ZNF45: variants seen among roughly 807,000 people sequenced by gnomAD.
ZNF45 encodes BRC1744.
ZNF45 carries 4 observed loss-of-function variants against 12.0 expected under a neutral mutation model. The observed-to-expected ratio is 0.33, with a 90% confidence interval of 0.16 to 0.76. The LOEUF (loss-of-function observed/expected upper bound fraction) is 0.76. Among genes scored for constraint, ZNF45 ranks in the 30% least tolerant of loss-of-function variants. The pLI is 0.60. For missense variants in ZNF45, 700 were observed against 813.0 expected (o/e 0.86, Z 1.69); for synonymous variants, 272 against 279.6 (o/e 0.97, Z 0.27).
rs1158119227 is a variant in ZNF45 at position 43,913,500 on chromosome 19, C to G, written c.1936G>C (p.Gly646Arg). 6.2e-7 allele frequency: 1 copy of G among 1,613,974 alleles called. No homozygotes were observed. The highest frequency in any genetic ancestry group is 8.5e-7 in the Non-Finnish European group (1 of 1,179,866). Reference protein sequence around the residue: ...GEKPYKCEECGKGFSWSSSLI... With the variant: ...GEKPYKCEECRKGFSWSSSLI... ...CTTGAGCTCCAACTGAAGCCCTTCC[C>G]ACACTCCTCACATTTGTATGGTTTT... The change falls in exon 10 of 10, where the codon GGG becomes CGG. Residue 646 changes from glycine to arginine, a missense_variant. Coordinates refer to ENST00000269973, the MANE Select transcript of ZNF45 (RefSeq NM_003425.4).
In ZNF45 at chr19:43,922,627, C is replaced by G. The variant is rs145104257; in HGVS notation, c.-32-410G>C. 3.8e-4 allele frequency among the ~76,000 whole-genome samples: 58 copies of G among 152,168 alleles called. 1 individual carries two copies. The East Asian group carries it at 0.011, about 29-fold the overall frequency. Reference sequence around the variant, plus strand: ...AATCCAGGACAAATTATTAATATCTCTGTGCCTCAGTTCTTTCATCCATAA... The same window carrying G: ...AATCCAGGACAAATTATTAATATCTGTGTGCCTCAGTTCTTTCATCCATAA... On this transcript the variant is annotated intron_variant, in intron 6 of 9. Transcript: ENST00000269973.
intron 3 of ZNF45, among the ~76,000 whole-genome samples, chr19:43,931,567 C>T (rs10419785): frequency 0.11 from 15,819 of 147,546 alleles, 1,705 homozygotes; most frequent in East Asian, 0.25. Flanking sequence ...ATATATATAC[C>T]TTTGCTCCTT....
intron 9 of ZNF45, 30 bp downstream of exon 9, chr19:43,918,840 A>G (rs895173184): frequency 2.0e-5 from 32 of 1,592,674 alleles, no homozygotes; most frequent in African/African-American, 4.0e-5. Flanking sequence ...GCTAACAGAA[A>G]AATGTCCAGC....
chr19:43,913,312 A>G lies in ZNF45; in HGVS notation c.*75T>C. The G allele has an allele frequency of 6.7e-7, 1 of 1,497,546 alleles. No homozygotes were observed. 92.8% of individuals were successfully genotyped at this position (1,497,546 alleles called of 1,614,324 possible). ...CACTTGGCTGAACTACTGACTCTAT[A>G]AAACAAATGTTTTGTCTATGATAGC... On this transcript the variant is annotated 3_prime_UTR_variant, in exon 10 of 10. Coordinates refer to ENST00000269973, the MANE Select transcript of ZNF45 (RefSeq NM_003425.4).
intron 9 of ZNF45, among the ~76,000 whole-genome samples, chr19:43,916,863 C>G (rs1972724530): frequency 6.6e-6 from 1 of 151,222 alleles, no homozygotes; most frequent in African/African-American, 2.4e-5. Flanking sequence ...ATGCTGATCA[C>G]AAAATCATGG....
In ZNF45 at chr19:43,929,511, G is replaced by A. The variant is rs73567633; in HGVS notation, c.-400+3093C>T. Among the ~76,000 whole-genome samples, 535 of 152,210 alleles carry A rather than the reference G, an allele frequency of 3.5e-3. 3 individuals carry two copies. Among genetic ancestry groups the A allele is most frequent in the African/African-American group, 0.012 (495 of 41,530 alleles). On this transcript the variant is annotated intron_variant, in intron 3 of 9. Coordinates refer to ENST00000269973, the MANE Select transcript of ZNF45 (RefSeq NM_003425.4). ...ACATATTACAAAAGCATAGGCCCCA[G>A]TTCCTTTCTCTGTCTGCTTCCTGAC...
rs1186009480 is a variant in ZNF45, at chr19:43,914,608, A to G, written c.828T>C (p.Tyr276=). The G allele has an allele frequency of 1.3e-5, 21 of 1,613,532 alleles. No homozygotes were observed. The East Asian group carries it at 4.7e-4, about 36-fold the overall frequency. Residue 276 remains tyrosine (Y), a synonymous_variant, in exon 10 of 10, where the codon TAT becomes TAC. Coordinates refer to ENST00000269973, the MANE Select transcript of ZNF45 (RefSeq NM_003425.4). The part of the protein sequence containing the change: ...PLIVHTGEKP[Y]KCEECGVGFS... ...AGCCCACCCCACACTCCTCACATTT[A>G]TAGGGTTTCTCTCCCGTATGAACTA...
chr19:43,929,900 T>G (rs1160848520), intron 3 of ZNF45: 5 of 152,244 alleles, frequency 3.3e-5, no homozygotes, highest in African/African-American at 4.8e-5. Flanking sequence ...AATATGTGAC[T>G]AATAAACTGC....
At chr19:43,918,756 CA>C (rs1211955304) in intron 9 of ZNF45, 113 bp downstream of exon 9, 18 of 763,254 alleles carry the variant, frequency 2.4e-5, no homozygotes, top group African/African-American at 8.7e-5. Context: ...AGATATTCAT[CA>C]GGGGGAAAAA....
chr19:43,922,358 T>C (rs934744726), intron 6 of ZNF45, 141 bp from the exon 7 acceptor site: 7 of 581,504 alleles, frequency 1.2e-5, no homozygotes, highest in African/African-American at 9.3e-5. Flanking sequence ...TCGGGCTGGC[T>C]TGATGAACAG....
At position 43,915,028 on chromosome 19, in the gene ZNF45, A is replaced by G. The variant is rs766017564; in HGVS notation, c.408T>C (p.Asp136=). 6.2e-7 allele frequency: 1 copy of G among 1,610,016 alleles called. No homozygotes were observed. The highest frequency in any genetic ancestry group is 1.3e-5 in the African/African-American group (1 of 74,678). ...ATCCCTCATCTTTATAGTGCAAATC[A>G]TCTCGTTTTTCCAACTGGCAGCCTG... The part of the protein sequence containing the change: ...QRTGCQLEKR[D]DLHYKDEGFS... The change falls in exon 10 of 10, where the codon GAT becomes GAC. Residue 136 remains aspartate (D), a synonymous_variant. Coordinates refer to ENST00000269973, the MANE Select transcript of ZNF45 (RefSeq NM_003425.4).
chr19:43,923,973 A>T (rs1201657423), intron 6 of ZNF45, among the ~76,000 whole-genome samples: 1 of 150,228 alleles, frequency 6.7e-6, no homozygotes, highest in African/African-American at 2.5e-5. Flanking sequence ...AAAAAAAAAA[A>T]ATCTAAAAAA....
intron 9 of ZNF45, among the ~76,000 whole-genome samples, chr19:43,917,379 T>TA (rs1972771898): frequency 6.6e-6 from 1 of 152,230 alleles, no homozygotes; most frequent in Non-Finnish European, 1.5e-5. Flanking sequence ...AATAGAAAGT[T>TA]ACATTGTAAT....
intron 9 of ZNF45, among the ~76,000 whole-genome samples, chr19:43,916,905 A>T (rs1972730010): frequency 6.6e-6 from 1 of 152,182 alleles, no homozygotes; most frequent in Non-Finnish European, 1.5e-5. Context: ...AAAAATCATA[A>T]GGCAGAAAAG....
chr19:43,916,033 G>A (rs1484998174), intron 9 of ZNF45, among the ~76,000 whole-genome samples: 1 of 152,136 alleles, frequency 6.6e-6, no homozygotes, highest in Non-Finnish European at 1.5e-5. Context: ...CGGTCAGGCT[G>A]GTCTCAATCT....
At chr19:43,928,181 C>CAAAAAA (rs71338710) in intron 3 of ZNF45, among the ~76,000 whole-genome samples, 15 of 93,824 alleles carry the variant, frequency 1.6e-4, no homozygotes, top group Non-Finnish European at 2.0e-4. Flanking sequence ...AACTCTGTCT[C>CAAAAAA]AAAAAAAAAA....
intron 6 of ZNF45, among the ~76,000 whole-genome samples, chr19:43,922,820 G>GTT (rs368057244): frequency 0.17 from 14,334 of 86,594 alleles, 2,236 homozygotes; most frequent in East Asian, 0.48. Flanking sequence ...TAAATTCTTT[G>GTT]TTTTTTTTTT....
intron 7 of ZNF45, among the ~76,000 whole-genome samples, chr19:43,921,354 G>C (rs142770623): frequency 1.3e-5 from 2 of 152,248 alleles, no homozygotes; most frequent in Non-Finnish European, 2.9e-5. Flanking sequence ...TTAAAATTAA[G>C]TACATTATTA....
Position 43,913,758 on chromosome 19 carries a change from C to T in ZNF45, c.1678G>A (p.Glu560Lys), listed in dbSNP as rs1230130772. The T allele has an allele frequency of 5.0e-6, 8 of 1,613,680 alleles. No individual in the cohort carries two copies. In the Admixed American group the frequency reaches 8.3e-5, roughly 17 times the overall value. Residue 560 changes from glutamate (E) to lysine (K), a missense_variant, in exon 10 of 10, where the codon GAG becomes AAG. Coordinates refer to ENST00000269973, the MANE Select transcript of ZNF45 (RefSeq NM_003425.4). ...HTGEKPYQCE[E>K]CGKGFCRASN... ...GCCCGACAGAAGCCCTTCCCACACT[C>T]CTCACATTGATAGGGTTTCTCTCCA...
Sources: gnomAD v4.1 joint callset for allele counts (sites outside exome capture counted in the v4.1 genomes callset) on GRCh38, gnomAD v4.1.1 for gene constraint, MANE v1.5 for transcripts, NCBI Gene and HGNC (gene_info 2026-07-23, HGNC 2026-07-21) for gene names.